Variants in CTSB observed in about 807,000 individuals in gnomAD.
CTSB encodes cathepsin B, also known as APP secretase.
A neutral mutation model predicts 44.3 loss-of-function variants in CTSB; 57 were observed. The ratio of observed to expected loss-of-function variants is 1.29; its 90% CI spans 1.04 to 1.60. The LOEUF is 1.60. Ranked by LOEUF, CTSB falls within the 40% of genes most tolerant of loss-of-function variation. CTSB has a pLI of 0.00. For synonymous variants in CTSB, 320 were observed against 168.0 expected (o/e 1.91, Z -7.00); for missense variants, 768 against 443.0 (o/e 1.73, Z -6.59).
At chr8:11,845,346 G>A (rs770546780) in intron 9 of CTSB, 124 bp from the exon 10 acceptor site, 2 of 742,134 alleles carry the variant, frequency 2.7e-6, no homozygotes, top group Non-Finnish European at 4.6e-6. Flanking sequence ...CACTAGCACA[G>A]TCCTCAACAC....
intron 3 of CTSB, 26 bp from the exon 4 acceptor site, chr8:11,851,006 A>C: frequency 6.4e-7 from 1 of 1,553,622 alleles, no homozygotes; most frequent in Non-Finnish European, 8.8e-7. Flanking sequence ...TCTTCATTAC[A>C]AGCTCTGATC....
chr8:11,845,221 G>C lies in CTSB; in HGVS notation c.924C>G (p.Gly308=). ...NSWNTDWGDN[G]FFKILRGQDH... ...CCTGTCCTCTGAGTATTTTAAAGAAGCCTGGGAATAAAAAGTAAGGTGCTT... is the reference window on the plus strand; with the variant it reads ...CCTGTCCTCTGAGTATTTTAAAGAACCCTGGGAATAAAAAGTAAGGTGCTT... Residue 308 remains glycine, a splice_region_variant and synonymous_variant, in exon 10 of 10, where the codon GGC becomes GGG. Coordinates refer to ENST00000353047, the MANE Select transcript of CTSB (RefSeq NM_001908.5). The C allele has an allele frequency of 6.2e-7, 1 of 1,610,800 alleles. No homozygotes were observed. The highest frequency in any genetic ancestry group is 8.5e-7 in the Non-Finnish European group (1 of 1,177,090).
intron 7 of CTSB, 142 bp downstream of exon 7, chr8:11,847,537 G>C (rs546613493): frequency 5.6e-6 from 5 of 898,634 alleles, no homozygotes; most frequent in East Asian, 5.3e-5. Flanking sequence ...CTCCTGGCAA[G>C]AGGGCATCAC....
chr8:11,858,584 C>G (rs754240452), intron 1 of CTSB, among the ~76,000 whole-genome samples: 9 of 152,174 alleles, frequency 5.9e-5, no homozygotes, highest in Non-Finnish European at 1.3e-4. Flanking sequence ...GCCACCATGC[C>G]CAGTAAAACA....
At chr8:11,863,457 C>CAA (rs200512570) in intron 1 of CTSB, among the ~76,000 whole-genome samples, 4 of 144,922 alleles carry the variant, frequency 2.8e-5, no homozygotes, top group African/African-American at 1.0e-4. Flanking sequence ...GACTCCGTTT[C>CAA]AAAAAAAAAA....
chr8:11,867,931 C>T (rs1352094994), intron 1 of CTSB, 70 bp downstream of exon 1: 1 of 152,222 alleles, frequency 6.6e-6, no homozygotes. Flanking sequence ...GAACCCGTCT[C>T]GGCGGCCGGG....
At chr8:11,867,087 C>T (rs1014314393) in intron 1 of CTSB, among the ~76,000 whole-genome samples, 5 of 152,160 alleles carry the variant, frequency 3.3e-5, no homozygotes, top group Non-Finnish European at 7.3e-5. Flanking sequence ...CTTTGCCAGC[C>T]TGCTGGCTTT....
rs1434902196 is a variant in CTSB at position 11,849,391 on chromosome 8, C to G, written c.328-227G>C. The G allele has an allele frequency of 1.6e-5, 6 of 374,946 alleles. No homozygotes were observed. The South Asian group carries it at 1.7e-4, about 11-fold the overall frequency. 23.2% of individuals were successfully genotyped at this position (374,946 alleles called of 1,614,324 possible). ...GAACTCCCGGGTTCAAGTGATTTGC[C>G]CACCTTGGCCTCCCAAAGTGCTGGG... On this transcript the variant is annotated intron_variant, in intron 4 of 9. Transcript: ENST00000353047.
At chr8:11,862,794 G>A (rs1159149581) in intron 1 of CTSB, among the ~76,000 whole-genome samples, 1 of 152,272 alleles carries the variant, frequency 6.6e-6, no homozygotes, top group East Asian at 1.9e-4. Context: ...AGACAGCCCG[G>A]CCCTCCGGGC....
At chr8:11,845,606 C>T in intron 9 of CTSB, 55 bp downstream of exon 9, 1 of 1,586,678 alleles carries the variant, frequency 6.3e-7, no homozygotes. Flanking sequence ...CCGAGATGGC[C>T]ACGGGGTGTG....
chr8:11,860,403 C>T (rs1253906690), intron 1 of CTSB, among the ~76,000 whole-genome samples: 1 of 152,080 alleles, frequency 6.6e-6, no homozygotes, highest in Non-Finnish European at 1.5e-5. Flanking sequence ...AGGTGGATCA[C>T]CTGAGGTCAG....
intron 3 of CTSB, among the ~76,000 whole-genome samples, chr8:11,852,285 C>T (rs557234010): frequency 7.2e-5 from 11 of 152,244 alleles, no homozygotes; most frequent in Admixed American, 2.0e-4. Context: ...GCATGAGAAT[C>T]GCTTGAACCC....
In CTSB at chr8:11,849,159, G is replaced by C. The variant is rs762162520; in HGVS notation, c.333C>G (p.Phe111Leu). The C allele has an allele frequency of 6.2e-7, 1 of 1,611,884 alleles. No homozygotes were observed. Among genetic ancestry groups the C allele is most frequent in the Admixed American group, 1.7e-5 (1 of 60,008 alleles). The change falls in exon 5 of 10, where the codon TTC becomes TTG. Residue 111 changes from phenylalanine to leucine, a missense_variant. Phe to Leu is a conservative substitution (Grantham distance 22). Coordinates refer to ENST00000353047, the MANE Select transcript of CTSB (RefSeq NM_001908.5). ...DQGSCGSCWA[F>L]GAVEAISDRI... ...GGTCAGAGATGGCTTCCACAGCCCC[G>C]AAGGCCTGCAGGAACGAGCCCCACC...
Position 11,842,527 on chromosome 8 carries a change from G to T in CTSB, c.*2598C>A, listed in dbSNP as rs1812419225. The T allele has an allele frequency of 6.6e-6, 1 of 152,216 alleles. No homozygotes were observed. The highest frequency in any genetic ancestry group is 2.1e-4 in the South Asian group (1 of 4,830). The allele number at this position is 152,216 out of a possible 1,614,324, so 9.4% of individuals were successfully genotyped here. ...CGCATGGAATGAATCAACTCAGTTT[G>T]GGAGCAGGGAGAACTTTATTGAGGT... On this transcript the variant is annotated 3_prime_UTR_variant, in exon 10 of 10. Coordinates refer to ENST00000353047, the MANE Select transcript of CTSB (RefSeq NM_001908.5).
chr8:11,864,903 A>T (rs1586208790), intron 1 of CTSB, among the ~76,000 whole-genome samples: 1 of 150,238 alleles, frequency 6.7e-6, no homozygotes, highest in African/African-American at 2.5e-5. Context: ...ACAGAGTGAA[A>T]CTGTCTCAAA....
chr8:11,864,038 G>A (rs1392067965), intron 1 of CTSB, among the ~76,000 whole-genome samples: 1 of 152,100 alleles, frequency 6.6e-6, no homozygotes, highest in Non-Finnish European at 1.5e-5. Context: ...AACACACTGG[G>A]CACTTAACAC....
At chr8:11,859,767 C>CAAAAAA (rs36047077) in intron 1 of CTSB, among the ~76,000 whole-genome samples, 4 of 38,976 alleles carry the variant, frequency 1.0e-4, no homozygotes, top group Admixed American at 4.9e-4. Flanking sequence ...GACTCTGTCT[C>CAAAAAA]AAAAAAAAAA....
chr8:11,849,171 G>C lies in CTSB; in HGVS notation c.328-7C>G. ...CTTCCACAGCCCCGAAGGCCTGCAG[G>C]AACGAGCCCCACCGGGTGAGGCTGC... On this transcript the variant is annotated splice_region_variant and splice_polypyrimidine_tract_variant and intron_variant, in intron 4 of 9. Coordinates refer to ENST00000353047, the MANE Select transcript of CTSB (RefSeq NM_001908.5). The C allele has an allele frequency of 6.2e-7, 1 of 1,610,008 alleles. No individual in the cohort carries two copies. The highest frequency in any genetic ancestry group is 8.5e-7 in the Non-Finnish European group (1 of 1,178,256).
At chr8:11,845,249 A>T in intron 9 of CTSB, 27 bp from the exon 10 acceptor site, 2 of 1,544,560 alleles carry the variant, frequency 1.3e-6, no homozygotes, top group South Asian at 1.1e-5. Context: ...AGGTGCTTTT[A>T]AAGTGTGACA....
Sources: gnomAD v4.1 joint callset for allele counts (sites outside exome capture counted in the v4.1 genomes callset) on GRCh38, gnomAD v4.1.1 for gene constraint, MANE v1.5 for transcripts, NCBI Gene and HGNC (gene_info 2026-07-23, HGNC 2026-07-21) for gene names.